KIF5C: variants seen among roughly 807,000 people sequenced by gnomAD.
KIF5C encodes the protein kinesin family member 5C, also known as kinesin heavy chain isoform 5C.
KIF5C carries 18 observed loss-of-function variants against 125.2 expected under a neutral mutation model. The observed-to-expected ratio is 0.14, with a 90% CI of 0.10 to 0.21. The LOEUF (loss-of-function observed/expected upper bound fraction) is 0.21, where lower values mean the gene tolerates loss of function less well. KIF5C is among the 10% of genes least tolerant of loss of function. KIF5C has a pLI of 1.00. For missense variants in KIF5C, 780 were observed against 1,183.8 expected (o/e 0.66, Z 5.01); for synonymous variants, 405 against 434.0 (o/e 0.93, Z 0.83).
intron 25 of KIF5C, among the ~76,000 whole-genome samples, chr2:149,019,922 A>G (rs10171841): frequency 0.043 from 6,568 of 152,270 alleles, 469 homozygotes; most frequent in African/African-American, 0.15. Flanking sequence ...ATCTGGTCAC[A>G]CGTTGCCACT....
chr2:149,025,007 T>C lies in KIF5C; in HGVS notation c.*1937T>C, dbSNP rs1402875778. 1 of 152,286 alleles carries C rather than the reference T, an allele frequency of 6.6e-6. No homozygotes were observed. The highest frequency in any genetic ancestry group is 2.1e-4 in the South Asian group (1 of 4,836). 9.4% of individuals were successfully genotyped at this position (152,286 alleles called of 1,614,324 possible). On this transcript the variant is annotated 3_prime_UTR_variant, in exon 26 of 26. Transcript: ENST00000435030. ...TGTCATTACCACTACTCTCCATTAC[T>C]TTTTGTTTGGAAATTGAACAAAGGT...
chr2:148,895,294 C>A (rs983559396), intron 1 of KIF5C, among the ~76,000 whole-genome samples: 1 of 152,058 alleles, frequency 6.6e-6, no homozygotes. Context: ...TGCACCACCA[C>A]GCCCGGCTAA....
chr2:148,995,976 G>C (rs576211808), intron 17 of KIF5C, among the ~76,000 whole-genome samples: 1 of 152,204 alleles, frequency 6.6e-6, no homozygotes, highest in Non-Finnish European at 1.5e-5. Flanking sequence ...CCAACATGGT[G>C]AAACCCTGTC....
In KIF5C at chr2:148,973,470, G is replaced by C; in HGVS notation, c.1252G>C (p.Asp418His). ...GISTEEKEKY[D>H]EEISSLYRQL... ...CTCTACAGAGGAGAAAGAGAAGTAC[G>C]ATGAGGAGATCTCCAGTCTCTACAG... Residue 418 changes from aspartate (D) to histidine (H), a missense_variant, in exon 12 of 26, where the codon GAT becomes CAT. Around this residue, in one of 2 missense-constraint regions of KIF5C, gnomAD observed 573 missense variants for 742.6 expected, o/e 0.77. Transcript: ENST00000435030. The C allele has an allele frequency of 6.2e-7, 1 of 1,613,106 alleles. No individual in the cohort carries two copies. Among genetic ancestry groups the C allele is most frequent in the Non-Finnish European group, 8.5e-7 (1 of 1,179,522 alleles).
chr2:148,973,097 C>T (rs1463798705), intron 11 of KIF5C, among the ~76,000 whole-genome samples: 1 of 152,128 alleles, frequency 6.6e-6, no homozygotes, highest in Non-Finnish European at 1.5e-5. Flanking sequence ...CAGTTTACTT[C>T]AGGGATGCAT....
At chr2:148,966,168 C>G (rs1460292530) in intron 11 of KIF5C, among the ~76,000 whole-genome samples, 1 of 152,188 alleles carries the variant, frequency 6.6e-6, no homozygotes, top group Non-Finnish European at 1.5e-5. Flanking sequence ...CTCAACATTT[C>G]CTGGGTATTG....
chr2:149,011,524 CTT>C, intron 24 of KIF5C, 44 bp from the exon 25 acceptor site: 2 of 1,608,740 alleles, frequency 1.2e-6, no homozygotes, highest in Non-Finnish European at 1.7e-6. Flanking sequence ...GCTGTTAAGA[CTT>C]TTCTAAATGT....
chr2:148,993,059 T>G (rs1197079933), intron 16 of KIF5C, among the ~76,000 whole-genome samples: 1 of 152,158 alleles, frequency 6.6e-6, no homozygotes, highest in African/African-American at 2.4e-5. Context: ...CGGCTGCCAT[T>G]TGTTTAAATG....
intron 10 of KIF5C, among the ~76,000 whole-genome samples, chr2:148,951,830 G>A (rs2105115799): frequency 6.6e-6 from 1 of 152,282 alleles, no homozygotes; most frequent in South Asian, 2.1e-4. Context: ...AATAGTTTAA[G>A]ATGAGAGAAA....
rs1681177244 is a variant in KIF5C at position 148,876,001 on chromosome 2, C to T, written c.126+258C>T. On this transcript the variant is annotated intron_variant, in intron 1 of 25. Coordinates refer to ENST00000435030, the MANE Select transcript of KIF5C (RefSeq NM_004522.3). The surrounding 1 kb of genome is among the most constrained non-coding windows in gnomAD (Gnocchi z 4.7). ...GGGGGCGAAGACGGGCTCGGCGCCG[C>T]CATTGTTCGCCGGGTGGGGGCCCGG... Among the ~76,000 whole-genome samples, 3 of 152,134 alleles carry T rather than the reference C, an allele frequency of 2.0e-5. No individual in the cohort carries two copies. Among genetic ancestry groups the T allele is most frequent in the Admixed American group, 1.3e-4 (2 of 15,296 alleles).
intron 7 of KIF5C, among the ~76,000 whole-genome samples, chr2:148,945,005 G>A (rs879348332): frequency 6.6e-6 from 1 of 151,998 alleles, no homozygotes; most frequent in Non-Finnish European, 1.5e-5. Context: ...TTAATTTGTT[G>A]TTGTTGACTT....
intron 1 of KIF5C, among the ~76,000 whole-genome samples, chr2:148,893,546 T>C (rs1339270711): frequency 1.3e-5 from 2 of 152,182 alleles, no homozygotes; most frequent in Non-Finnish European, 2.9e-5. Flanking sequence ...CGAGTGCCAT[T>C]CCCATCTATC....
At chr2:148,978,334 GTTTTTTTT>G (rs71406035) in intron 12 of KIF5C, among the ~76,000 whole-genome samples, 3 of 78,658 alleles carry the variant, frequency 3.8e-5, no homozygotes, top group Admixed American at 2.0e-4. Flanking sequence ...CTGCCCTGAG[GTTTTTTTT>G]TTTTTTTTTT....
rs370222109 is a variant in KIF5C, at chr2:148,950,305, C to T, written c.820-9C>T. On this transcript the variant is annotated splice_polypyrimidine_tract_variant and intron_variant, in intron 9 of 25. Transcript: ENST00000435030. ...TGTCAAAACCAATACTTTTTCTTTT[C>T]CTAAATAGAAAACACATGTGCCATA... is the stretch of plus-strand genomic sequence containing the variant. 2 of 1,611,074 alleles carry T rather than the reference C, an allele frequency of 1.2e-6. No individual in the cohort carries two copies. Among genetic ancestry groups the T allele is most frequent in the Non-Finnish European group, 1.7e-6 (2 of 1,178,482 alleles).
At chr2:148,941,203 G>A (rs1299643692) in intron 4 of KIF5C, among the ~76,000 whole-genome samples, 1 of 152,132 alleles carries the variant, frequency 6.6e-6, no homozygotes, top group African/African-American at 2.4e-5. Context: ...CCCTCTCCTG[G>A]CTTCTTGCAT....
chr2:148,998,534 G>T (rs1179397024), intron 19 of KIF5C, 25 bp downstream of exon 19: 1 of 1,551,500 alleles, frequency 6.4e-7, no homozygotes, highest in African/African-American at 1.4e-5. Context: ...GGCACCAGGG[G>T]TGTGGGGGTG....
At chr2:149,003,557 C>G (rs561944780) in intron 21 of KIF5C, among the ~76,000 whole-genome samples, 14 of 152,182 alleles carry the variant, frequency 9.2e-5, no homozygotes, top group Non-Finnish European at 1.2e-4. Context: ...CATGGAGAGT[C>G]ACAACCTGTG....
At chr2:148,881,689 CT>C (rs899139649) in intron 1 of KIF5C, among the ~76,000 whole-genome samples, 4 of 152,224 alleles carry the variant, frequency 2.6e-5, no homozygotes, top group African/African-American at 9.6e-5. Context: ...AAACCTCCCC[CT>C]ACCTTTGATT....
chr2:148,932,053 A>T (rs539322825), intron 3 of KIF5C, among the ~76,000 whole-genome samples: 6 of 152,184 alleles, frequency 3.9e-5, no homozygotes, highest in African/African-American at 1.4e-4. Flanking sequence ...GGTAGGGGAT[A>T]TTTTCAGAGG....
Sources: allele counts gnomAD v4.1 joint callset (sites outside exome capture counted in the v4.1 genomes callset), GRCh38; gene constraint gnomAD v4.1.1; regional missense constraint gnomAD v4.1.1; non-coding constraint Gnocchi (gnomAD v3.1); transcripts MANE v1.5; gene names NCBI Gene and HGNC (gene_info 2026-07-23, HGNC 2026-07-21).